Variants in CYRIB observed in about 807,000 individuals in gnomAD.
The protein encoded by CYRIB is CYFIP-related Rac1 interactor B.
A neutral mutation model predicts 44.2 loss-of-function variants in CYRIB; 8 were observed. The observed-to-expected ratio is 0.18, with a 90% confidence interval of 0.11 to 0.33. The LOEUF is 0.33. CYRIB is among the 10% of genes least tolerant of loss of function. The pLI is 1.00. For synonymous variants in CYRIB, 131 were observed against 127.2 expected (o/e 1.03, Z -0.20); for missense variants, 185 against 382.8 (o/e 0.48, Z 4.31).
At chr8:129,949,150 AGT>A (rs1393672770) in intron 2 of CYRIB, 1 of 152,178 alleles carries the variant, frequency 6.6e-6, no homozygotes, top group Non-Finnish European at 1.5e-5. Flanking sequence ...AGATTGATAA[AGT>A]GTATTAATTT....
At chr8:130,012,180 C>A (rs908904970) in intron 1 of CYRIB, among the ~76,000 whole-genome samples, 1 of 151,884 alleles carries the variant, frequency 6.6e-6, no homozygotes, top group African/African-American at 2.4e-5. Flanking sequence ...CAGATGGCAG[C>A]TAGTAAGTCC....
intron 2 of CYRIB, among the ~76,000 whole-genome samples, chr8:129,899,629 T>C (rs1025728753): frequency 1.3e-5 from 2 of 152,230 alleles, no homozygotes; most frequent in African/African-American, 4.8e-5. Flanking sequence ...AAGATGTTTA[T>C]TTCAGAACAG....
chr8:129,980,072 TCACAGCTTAAGACA>T (rs1429136820), intron 1 of CYRIB, among the ~76,000 whole-genome samples: 5 of 152,116 alleles, frequency 3.3e-5, no homozygotes, highest in African/African-American at 1.2e-4. Context: ...CATAGGCTGA[TCACAGCTTAAGACA>T]CACATCTTCA....
chr8:129,944,818 T>G (rs577334700), upstream of CYRIB, among the ~76,000 whole-genome samples: 15 of 151,880 alleles, frequency 9.9e-5, no homozygotes, highest in Non-Finnish European at 1.9e-4. Context: ...AATAAATAAA[T>G]GCACATTGCT....
intron 1 of CYRIB, among the ~76,000 whole-genome samples, chr8:129,990,722 C>G (rs2096611275): frequency 6.6e-6 from 1 of 151,924 alleles, no homozygotes; most frequent in Non-Finnish European, 1.5e-5. Flanking sequence ...CAGCGTCTCA[C>G]TATGTTGCCC....
At chr8:129,941,344 G>C (rs1329823129), upstream of CYRIB, among the ~76,000 whole-genome samples, 1 of 148,898 alleles carries the variant, frequency 6.7e-6, no homozygotes, top group Non-Finnish European at 1.5e-5. Context: ...CGCGATATCG[G>C]CTCACTGCAA....
At chr8:130,008,337 A>T (rs1029529837) in intron 1 of CYRIB, 1 of 154,364 alleles carries the variant, frequency 6.5e-6, no homozygotes, top group Admixed American at 6.5e-5. Context: ...CCTGTCATTC[A>T]TGGTGTCTGG....
intron 1 of CYRIB, among the ~76,000 whole-genome samples, chr8:129,976,519 T>C (rs2095924787): frequency 2.0e-5 from 3 of 152,238 alleles, no homozygotes; most frequent in Admixed American, 2.0e-4. Flanking sequence ...AAACCAATTC[T>C]TTTTTATAAT....
At chr8:129,877,505 T>C (rs892194100) in intron 3 of CYRIB, among the ~76,000 whole-genome samples, 8 of 152,010 alleles carry the variant, frequency 5.3e-5, no homozygotes, top group Admixed American at 3.9e-4. Flanking sequence ...AAAAATTAGC[T>C]GGGCTTGGTG....
chr8:129,850,787 G>T, intron 9 of CYRIB, 48 bp downstream of exon 11: 1 of 1,275,280 alleles, frequency 7.8e-7, no homozygotes. Context: ...TGAAATATCA[G>T]TCATCTCAAC....
chr8:130,001,987 C>A (rs1349847), intron 1 of CYRIB, among the ~76,000 whole-genome samples: 7,993 of 152,262 alleles, frequency 0.052, 288 homozygotes, highest in Non-Finnish European at 0.077. Context: ...GGTGGCTGTT[C>A]TATTCAAGAA....
intron 1 of CYRIB, among the ~76,000 whole-genome samples, chr8:129,920,468 A>G (rs1457046532): frequency 6.6e-6 from 1 of 152,096 alleles, no homozygotes; most frequent in Non-Finnish European, 1.5e-5. Context: ...ATCATTCAGT[A>G]TTTTCAGATT....
chr8:129,991,958 A>AC, intron 1 of CYRIB, among the ~76,000 whole-genome samples: 1 of 146,934 alleles, frequency 6.8e-6, no homozygotes, highest in Non-Finnish European at 1.5e-5. Context: ...AAAAAAAAAA[A>AC]AAAAAAAAAA....
intron 1 of CYRIB, among the ~76,000 whole-genome samples, chr8:129,993,993 A>G (rs189880547): frequency 8.5e-5 from 13 of 152,270 alleles, no homozygotes; most frequent in Admixed American, 8.5e-4. Context: ...CTTAAAGTCC[A>G]GGATTACTGC....
At chr8:129,903,317 G>A (rs1589227769) in exon 2 of CYRIB, 1 of 152,376 alleles carries the variant, frequency 6.6e-6, no homozygotes, top group Non-Finnish European at 1.5e-5. Context: ...TTTACCTTCA[G>A]CCAGTGCTGG....
Position 129,979,088 on chromosome 8 carries a change from C to T in CYRIB, c.-295-8093G>A, listed in dbSNP as rs184390633. Among the ~76,000 whole-genome samples the T allele has an allele frequency of 7.4e-4, 112 of 152,084 alleles. 1 individual carries two copies. The highest frequency in any genetic ancestry group is 1.5e-3 in the African/African-American group (64 of 41,490). Reference sequence around the variant, plus strand: ...CCTGGGAGGCAGAGGCTGAAGTGAGCGGAGATCGTGACACTGCACTCCAGC... The same window carrying T: ...CCTGGGAGGCAGAGGCTGAAGTGAGTGGAGATCGTGACACTGCACTCCAGC... On this transcript the variant is annotated intron_variant, in intron 1 of 14. Transcript: ENST00000401979.
intron 1 of CYRIB, among the ~76,000 whole-genome samples, chr8:130,002,553 A>C (rs2096931451): frequency 6.6e-6 from 1 of 152,168 alleles, no homozygotes. Flanking sequence ...AAAACGTGAA[A>C]ATGAGAGAAA....
At chr8:129,968,720 A>G (rs970986147) in intron 2 of CYRIB, among the ~76,000 whole-genome samples, 2 of 152,228 alleles carry the variant, frequency 1.3e-5, no homozygotes, top group African/African-American at 4.8e-5. Context: ...CAGATTCCAC[A>G]ACCATATATA....
At chr8:129,908,030 G>T (rs899248060) in intron 1 of CYRIB, among the ~76,000 whole-genome samples, 25 of 152,238 alleles carry the variant, frequency 1.6e-4, no homozygotes, top group African/African-American at 5.1e-4. Context: ...AAATGGTGTT[G>T]AAATAACTCC....
Sources: allele counts gnomAD v4.1 joint callset (sites outside exome capture counted in the v4.1 genomes callset), GRCh38; gene constraint gnomAD v4.1.1; transcripts MANE v1.5; gene names NCBI Gene and HGNC (gene_info 2026-07-23, HGNC 2026-07-21).